The following TGFBR3 variants were observed in gnomAD, a reference collection of about 807,000 sequenced individuals.
The protein encoded by TGFBR3 is transforming growth factor beta receptor type 3.
In TGFBR3, 46 loss-of-function variants were observed where a neutral mutation model predicts 87.9. The observed-to-expected ratio is 0.52, with a 90% confidence interval of 0.41 to 0.67. The LOEUF (loss-of-function observed/expected upper bound fraction) is 0.67, where lower values mean the gene tolerates loss of function less well. TGFBR3 is among the 30% of genes least tolerant of loss of function. The pLI, the probability that TGFBR3 is intolerant of heterozygous loss-of-function variation, is 0.00. For synonymous variants in TGFBR3, 381 were observed against 391.6 expected (o/e 0.97, Z 0.32); for missense variants, 866 against 1,041.9 (o/e 0.83, Z 2.32).
intron 6 of TGFBR3, 88 bp downstream of exon 6, chr1:91,729,717 T>C: frequency 6.7e-7 from 1 of 1,487,784 alleles, no homozygotes; most frequent in Non-Finnish European, 9.4e-7. Flanking sequence ...GGGGAGGGTG[T>C]AGGACGGGCT....
chr1:91,776,854 C>T (rs1296099293), intron 3 of TGFBR3, among the ~76,000 whole-genome samples: 3 of 152,324 alleles, frequency 2.0e-5, no homozygotes, highest in South Asian at 4.1e-4. Context: ...CAAACATCAA[C>T]ATCTTTGCTA....
At chr1:91,866,510 G>A (rs754631435) in intron 1 of TGFBR3, among the ~76,000 whole-genome samples, 1 of 152,064 alleles carries the variant, frequency 6.6e-6, no homozygotes, top group African/African-American at 2.4e-5. Context: ...AAAAAAAGAC[G>A]CCAAAAATCC....
intron 4 of TGFBR3, among the ~76,000 whole-genome samples, chr1:91,754,029 G>A (rs537521351): frequency 1.3e-5 from 2 of 152,204 alleles, no homozygotes; most frequent in South Asian, 2.1e-4. Flanking sequence ...CCTTGTTATC[G>A]CCTTTTTTAT....
At chr1:91,721,446 C>G (rs4658262) in intron 8 of TGFBR3, among the ~76,000 whole-genome samples, 151,784 of 152,272 alleles carry the variant, frequency 1, 75,649 homozygotes, top group Middle Eastern at 1. Flanking sequence ...CTAGGGATCA[C>G]AAAACTAGGG....
intron 14 of TGFBR3, among the ~76,000 whole-genome samples, chr1:91,702,403 T>C (rs957755600): frequency 1.6e-4 from 24 of 151,956 alleles, no homozygotes; most frequent in African/African-American, 5.6e-4. Context: ...TCCCAGCACT[T>C]TGGGAGGCCG....
intron 1 of TGFBR3, among the ~76,000 whole-genome samples, chr1:91,866,046 C>A (rs144976513): frequency 2.6e-5 from 4 of 152,240 alleles, no homozygotes; most frequent in African/African-American, 7.2e-5. Context: ...GAGCATACTG[C>A]CCCACATGCC....
chr1:91,845,540 A>G (rs182452230), intron 2 of TGFBR3, among the ~76,000 whole-genome samples: 1 of 152,224 alleles, frequency 6.6e-6, no homozygotes, highest in Admixed American at 6.5e-5. Context: ...TCTCTCATCT[A>G]TAAGGGACAG....
chr1:91,873,477 G>A (rs1389371082), intron 1 of TGFBR3, among the ~76,000 whole-genome samples: 1 of 151,272 alleles, frequency 6.6e-6, no homozygotes, highest in Non-Finnish European at 1.5e-5. Flanking sequence ...AGTAAAGATG[G>A]GGCTTTACCA....
chr1:91,697,329 T>C (rs1222990724), intron 15 of TGFBR3, among the ~76,000 whole-genome samples: 3 of 152,234 alleles, frequency 2.0e-5, no homozygotes, highest in African/African-American at 7.2e-5. Flanking sequence ...AAAGGAACTT[T>C]CCAGACTGAT....
intron 3 of TGFBR3, among the ~76,000 whole-genome samples, chr1:91,777,995 T>G (rs888595254): frequency 3.9e-5 from 6 of 152,150 alleles, no homozygotes; most frequent in Non-Finnish European, 7.4e-5. Flanking sequence ...CAGGGAAAGA[T>G]TCACATGTAC....
chr1:91,721,915 G>T (rs778976313), intron 8 of TGFBR3, 40 bp downstream of exon 8: 6 of 1,579,228 alleles, frequency 3.8e-6, no homozygotes, highest in Non-Finnish European at 5.2e-6. Flanking sequence ...GCTTCATTTG[G>T]GGGGTATTTT....
intron 2 of TGFBR3, among the ~76,000 whole-genome samples, chr1:91,894,504 T>C (rs1041297155): frequency 2.0e-5 from 3 of 152,206 alleles, no homozygotes; most frequent in Non-Finnish European, 4.4e-5. Flanking sequence ...TCAGATCCAA[T>C]CAGATCACTT....
At chr1:91,806,299 C>T (rs1675823545) in intron 2 of TGFBR3, among the ~76,000 whole-genome samples, 1 of 152,128 alleles carries the variant, frequency 6.6e-6, no homozygotes, top group African/African-American at 2.4e-5. Flanking sequence ...CACAGCATTC[C>T]AATCTCAGTT....
chr1:91,811,427 T>C (rs1404291510), intron 2 of TGFBR3, among the ~76,000 whole-genome samples: 2 of 152,176 alleles, frequency 1.3e-5, no homozygotes, highest in Non-Finnish European at 2.9e-5. Flanking sequence ...ATTTTTAACT[T>C]TTTAAACCAA....
chr1:91,718,211 C>A (rs1672243334), intron 10 of TGFBR3, among the ~76,000 whole-genome samples: 1 of 152,166 alleles, frequency 6.6e-6, no homozygotes, highest in African/African-American at 2.4e-5. Flanking sequence ...GTCTTTTTAA[C>A]TTCTTGGAGT....
chr1:91,712,096 C>G lies in TGFBR3; in HGVS notation c.2166+147G>C, dbSNP rs11466603. The G allele has an allele frequency of 9.2e-3, 6,836 of 746,608 alleles. 51 individuals are homozygous for G. The highest frequency in any genetic ancestry group is 0.012 in the Non-Finnish European group (5,254 of 439,736). 46.2% of individuals were successfully genotyped at this position (746,608 alleles called of 1,614,324 possible). A position where few individuals can be genotyped will look rare whatever the true frequency, so the allele number is the denominator to read the frequency against. On this transcript the variant is annotated intron_variant, in intron 13 of 16. Coordinates refer to ENST00000212355, the MANE Select transcript of TGFBR3 (RefSeq NM_003243.5). ...TTATTATCTAAGACTCCATAAAACT[C>G]ACAGTTCCCTGCTAATAGTGACTTT...
chr1:91,809,625 G>C (rs746905161), intron 2 of TGFBR3, among the ~76,000 whole-genome samples: 1 of 152,178 alleles, frequency 6.6e-6, no homozygotes, highest in Non-Finnish European at 1.5e-5. Context: ...ACTGGGCCAC[G>C]AACTAAAACA....
At chr1:91,840,423 GCATGATTTTGTAATATCA>G (rs1677226240) in intron 2 of TGFBR3, among the ~76,000 whole-genome samples, 1 of 147,350 alleles carries the variant, frequency 6.8e-6, no homozygotes, top group African/African-American at 2.5e-5. Flanking sequence ...GTAATATCAT[GCATGATTTTGTAATATCA>G]TGCATGATTT....
chr1:91,776,332 G>C (rs1325279716), intron 3 of TGFBR3, among the ~76,000 whole-genome samples: 1 of 152,202 alleles, frequency 6.6e-6, no homozygotes, highest in African/African-American at 2.4e-5. Flanking sequence ...ATTACAAACA[G>C]GTGCTTAATA....
Sources: allele counts gnomAD v4.1 joint callset (sites outside exome capture counted in the v4.1 genomes callset), GRCh38; gene constraint gnomAD v4.1.1; transcripts MANE v1.5; gene names NCBI Gene and HGNC (gene_info 2026-07-23, HGNC 2026-07-21).